INPP5A: variants seen among roughly 807,000 people sequenced by gnomAD.
INPP5A encodes the protein inositol polyphosphate-5-phosphatase A, also known as 43 kDa inositol polyphosphate 5-phophatase.
INPP5A carries 14 observed loss-of-function variants against 65.2 expected under a neutral mutation model. That is an observed-to-expected ratio of 0.21 (90% CI 0.14 to 0.34). The LOEUF is 0.34. Ranked by LOEUF, INPP5A falls within the 10% of genes least tolerant of loss-of-function variation. INPP5A has a pLI of 1.00. For missense variants in INPP5A, 431 were observed against 545.6 expected (o/e 0.79, Z 2.09); for synonymous variants, 207 against 208.3 (o/e 0.99, Z 0.05).
At chr10:132,565,959 C>G (rs2133276623) in intron 1 of INPP5A, among the ~76,000 whole-genome samples, 1 of 151,834 alleles carries the variant, frequency 6.6e-6, no homozygotes, top group South Asian at 2.1e-4. Context: ...GACCACTTTG[C>G]TCAATTTCGT....
rs2072935646 is a variant in INPP5A at position 132,674,401 on chromosome 10, T to C, written c.307-15991T>C. Among the ~76,000 whole-genome samples, 1 of 152,208 alleles carries C rather than the reference T, an allele frequency of 6.6e-6. No homozygotes were observed. The highest frequency in any genetic ancestry group is 2.4e-5 in the African/African-American group (1 of 41,440). On this transcript the variant is annotated intron_variant, in intron 4 of 15. Transcript: ENST00000368594. The surrounding 1 kb of genome is among the most constrained non-coding windows in gnomAD (Gnocchi z 4.4). The stretch of plus-strand genomic sequence containing the variant: ...TCCCTTCACCGCTGTCCTTCAGGAA[T>C]GTCCTAGAAAGGGGCTGTCATGCTA...
Position 132,753,381 on chromosome 10 carries a change from G to T in INPP5A, c.903+3536G>T, listed in dbSNP as rs1041592844. Among the ~76,000 whole-genome samples the T allele has an allele frequency of 2.0e-5, 3 of 152,312 alleles. No individual in the cohort carries two copies. The highest frequency in any genetic ancestry group is 7.2e-5 in the African/African-American group (3 of 41,562). ...CGCCGGTCGCAGCCCCAAGTCCATT[G>T]CATCCTTCATCAACCGCCGGTCTTG... On this transcript the variant is annotated intron_variant, in intron 11 of 15. Coordinates refer to ENST00000368594, the MANE Select transcript of INPP5A (RefSeq NM_005539.5). This position sits in a 1 kb window ranked among gnomAD's most constrained non-coding sequence, Gnocchi z 5.3.
At chr10:132,621,991 G>A (rs988292958) in intron 2 of INPP5A, among the ~76,000 whole-genome samples, 6 of 152,094 alleles carry the variant, frequency 3.9e-5, no homozygotes, top group Non-Finnish European at 8.8e-5. Flanking sequence ...AGACATGGTG[G>A]ACTATTTAGA....
intron 9 of INPP5A, among the ~76,000 whole-genome samples, chr10:132,742,160 C>T (rs769263068): frequency 9.9e-5 from 15 of 152,246 alleles, no homozygotes; most frequent in Non-Finnish European, 2.2e-4. Context: ...GGAGAGATGG[C>T]GAAGTGCTCC....
intron 14 of INPP5A, among the ~76,000 whole-genome samples, 187 bp from the exon 15 acceptor site, chr10:132,781,674 C>G (rs529851032): frequency 6.6e-6 from 1 of 152,306 alleles, no homozygotes; most frequent in East Asian, 1.9e-4. Flanking sequence ...TCACGGGGCC[C>G]CCAACCCCTG....
intron 1 of INPP5A, among the ~76,000 whole-genome samples, chr10:132,540,829 A>G (rs750303254): frequency 2.6e-5 from 4 of 152,246 alleles, no homozygotes; most frequent in Non-Finnish European, 4.4e-5. Flanking sequence ...GTCTGTGACC[A>G]GTGCTGGAGC....
chr10:132,708,283 G>T, intron 6 of INPP5A, 30 bp from the exon 7 acceptor site: 1 of 1,611,460 alleles, frequency 6.2e-7, no homozygotes, highest in Non-Finnish European at 8.5e-7. Context: ...ACTTACTCTG[G>T]CTCATTTGTG....
At chr10:132,664,967 C>G (rs1023995751) in intron 4 of INPP5A, among the ~76,000 whole-genome samples, 1 of 152,114 alleles carries the variant, frequency 6.6e-6, no homozygotes, top group African/African-American at 2.4e-5. Context: ...TTTCCCGTTG[C>G]AACTGAGGCG....
rs546251797 is a variant in INPP5A at position 132,545,964 on chromosome 10, G to A, written c.75+7793G>A. Among the ~76,000 whole-genome samples the A allele has an allele frequency of 1.3e-5, 2 of 152,372 alleles. No homozygotes were observed. Among genetic ancestry groups the A allele is most frequent in the South Asian group, 4.1e-4 (2 of 4,832 alleles). On this transcript the variant is annotated intron_variant, in intron 1 of 15. Coordinates refer to ENST00000368594, the MANE Select transcript of INPP5A (RefSeq NM_005539.5). This position sits in a 1 kb window ranked among gnomAD's most constrained non-coding sequence, Gnocchi z 4.6. ...CTGTGTCCACTCTTTAGGCTCTAATGTTCATGGTGTGTTTGGAGACGTGGA... is the reference window on the plus strand; with the variant it reads ...CTGTGTCCACTCTTTAGGCTCTAATATTCATGGTGTGTTTGGAGACGTGGA...
chr10:132,714,486 C>A (rs1845705485), intron 8 of INPP5A, among the ~76,000 whole-genome samples: 1 of 152,114 alleles, frequency 6.6e-6, no homozygotes, highest in Non-Finnish European at 1.5e-5. Context: ...CGCACATTGT[C>A]TGCCCCGCAG....
rs2134500150 is a variant in INPP5A, at chr10:132,697,832, G to A, written c.387G>A (p.Lys129=). ...QFDFKAKKYR[K]VAGKEIYSDT... ...CTCTTCCAGCTAAGAAGTATAGAAA[G>A]GTCGCTGGCAAAGAGATCTACTCGG... The change falls in exon 6 of 16, where the codon AAG becomes AAA. Residue 129 remains lysine (K), a synonymous_variant. Transcript: ENST00000368594. The surrounding 1 kb of genome is among the most constrained non-coding windows in gnomAD (Gnocchi z 5.6). The A allele has an allele frequency of 1.2e-6, 2 of 1,612,516 alleles. No homozygotes were observed. Among genetic ancestry groups the A allele is most frequent in the South Asian group, 1.1e-5 (1 of 90,912 alleles).
At chr10:132,645,795 T>G (rs1590891051) in intron 2 of INPP5A, 73 bp from the exon 3 acceptor site, 4 of 1,173,588 alleles carry the variant, frequency 3.4e-6, no homozygotes, top group South Asian at 1.3e-5. Flanking sequence ...GTGGGGGCGG[T>G]GGAGGGGGTG....
chr10:132,586,662 G>A (rs534922214), intron 1 of INPP5A, among the ~76,000 whole-genome samples: 3 of 152,356 alleles, frequency 2.0e-5, no homozygotes, highest in South Asian at 2.1e-4. Context: ...TTACGGATAC[G>A]TGCGCCAGAG....
At chr10:132,654,545 G>T (rs1347938803) in intron 4 of INPP5A, among the ~76,000 whole-genome samples, 1 of 152,194 alleles carries the variant, frequency 6.6e-6, no homozygotes, top group Non-Finnish European at 1.5e-5. Flanking sequence ...TGACTTCCCC[G>T]GGGTCCTGGG....
chr10:132,774,580 G>A (rs915014994), intron 12 of INPP5A, among the ~76,000 whole-genome samples: 19 of 152,170 alleles, frequency 1.2e-4, no homozygotes, highest in African/African-American at 4.3e-4. Context: ...TCCCAGGCCC[G>A]TTGGTCTCTC....
At position 132,782,258 on chromosome 10, in the gene INPP5A, T is replaced by G. The variant is rs1288934384; in HGVS notation, c.*229T>G. 5.9e-4 allele frequency: 270 copies of G among 455,668 alleles called. 1 individual carries two copies. Among genetic ancestry groups the G allele is most frequent in the Middle Eastern group, 1.5e-3 (2 of 1,338 alleles). The allele number at this position is 455,668 out of a possible 1,614,324, so 28.2% of individuals were successfully genotyped here. A position where few individuals can be genotyped will look rare whatever the true frequency, so the allele number is the denominator to read the frequency against. Reference sequence around the variant, plus strand: ...ATTAAGTAGAAATATTGGTTTTTTTTTTTTTTTTTTAAATAAGTCACAGTC... The same window carrying G: ...ATTAAGTAGAAATATTGGTTTTTTTGTTTTTTTTTTAAATAAGTCACAGTC... On this transcript the variant is annotated 3_prime_UTR_variant, in exon 16 of 16. Coordinates refer to ENST00000368594, the MANE Select transcript of INPP5A (RefSeq NM_005539.5). This position sits in a 1 kb window ranked among gnomAD's most constrained non-coding sequence, Gnocchi z 4.4.
At position 132,585,752 on chromosome 10, in the gene INPP5A, C is replaced by T. The variant is rs539405190; in HGVS notation, c.76-22163C>T. On this transcript the variant is annotated intron_variant, in intron 1 of 15. Transcript: ENST00000368594. ...CTTGCACTTCATTCTTTTTCCACAT[C>T]CTCTGCTTCTGGGGTGGCCCCTGTC... is the stretch of plus-strand genomic sequence containing the variant. Among the ~76,000 whole-genome samples, 292 of 152,360 alleles carry T rather than the reference C, an allele frequency of 1.9e-3. 2 individuals are homozygous for T. The highest frequency in any genetic ancestry group is 6.8e-3 in the African/African-American group (282 of 41,594).
chr10:132,558,270 C>G (rs1444803486), intron 1 of INPP5A, among the ~76,000 whole-genome samples: 2 of 152,168 alleles, frequency 1.3e-5, no homozygotes, highest in Admixed American at 1.3e-4. Context: ...CTCCGGGTGT[C>G]CCCGGCCCAC....
At chr10:132,716,721 C>T (rs187785791) in intron 8 of INPP5A, among the ~76,000 whole-genome samples, 2 of 152,296 alleles carry the variant, frequency 1.3e-5, no homozygotes, top group Non-Finnish European at 2.9e-5. Context: ...ACTTCTGTGC[C>T]GCACCAGTTT....
Sources: allele counts gnomAD v4.1 joint callset (sites outside exome capture counted in the v4.1 genomes callset), GRCh38; gene constraint gnomAD v4.1.1; non-coding constraint Gnocchi (gnomAD v3.1); transcripts MANE v1.5; gene names NCBI Gene and HGNC (gene_info 2026-07-23, HGNC 2026-07-21).